The following ZC3H13 variants were observed in gnomAD, a reference collection of about 807,000 sequenced individuals.
The protein encoded by ZC3H13 is zinc finger CCCH domain-containing protein 13.
ZC3H13 carries 64 observed loss-of-function variants against 204.1 expected under a neutral mutation model. The observed-to-expected ratio is 0.31, with a 90% CI of 0.26 to 0.39. The LOEUF is 0.39. Among genes scored for constraint, ZC3H13 ranks in the 10% least tolerant of loss-of-function variants. The probability of loss-of-function intolerance (pLI) is 1.00; values close to 1 mark genes in which losing one functional copy is unlikely to be tolerated. For synonymous variants in ZC3H13, 667 were observed against 693.7 expected (o/e 0.96, Z 0.60); for missense variants, 1,833 against 2,082.7 (o/e 0.88, Z 2.33).
chr13:46,005,820 G>A (rs191203790), intron 7 of ZC3H13, among the ~76,000 whole-genome samples: 3 of 152,154 alleles, frequency 2.0e-5, no homozygotes, highest in East Asian at 1.9e-4. Context: ...CAGGCTGGGC[G>A]ACGTGGCTCA....
chr13:45,969,281 G>A lies in ZC3H13; in HGVS notation c.3263C>T (p.Thr1088Met), dbSNP rs141717640. 45 of 1,613,768 alleles carry A rather than the reference G, an allele frequency of 2.8e-5. No homozygotes were observed. The African/African-American group carries it at 3.2e-4, about 11-fold the overall frequency. The change falls in exon 14 of 19, where the codon ACG becomes ATG. Residue 1088 changes from threonine (T) to methionine (M), a missense_variant. Transcript: ENST00000679008. ...VTEAEHTATA[T>M]TPGSTPSPLS... is the part of the protein sequence containing the mutation. ...AGGAGAAGGGGTACTACCAGGAGTC[G>A]TGGCGGTGGCAGTATGCTCTGCTTC...
chr13:45,972,476 C>T (rs1005018446), intron 12 of ZC3H13, among the ~76,000 whole-genome samples: 5 of 152,046 alleles, frequency 3.3e-5, no homozygotes, highest in Admixed American at 6.6e-5. Flanking sequence ...GGGATAAAAA[C>T]GTACATGTTT....
chr13:46,002,285 G>A (rs1387855094), intron 8 of ZC3H13, among the ~76,000 whole-genome samples: 1 of 152,184 alleles, frequency 6.6e-6, no homozygotes, highest in Non-Finnish European at 1.5e-5. Context: ...GTGAAGGTAT[G>A]GAGAAACTGG....
intron 10 of ZC3H13, among the ~76,000 whole-genome samples, chr13:45,980,701 G>A (rs1014473839): frequency 2.6e-5 from 4 of 152,150 alleles, no homozygotes; most frequent in African/African-American, 7.2e-5. Context: ...TTCCATTTAC[G>A]AGACAATTAC....
In ZC3H13 at chr13:45,988,867, C is replaced by G. The variant is rs200763938; in HGVS notation, c.1175G>C (p.Arg392Pro). 715 of 1,614,022 alleles carry G rather than the reference C, an allele frequency of 4.4e-4. No individual in the cohort carries two copies. Among genetic ancestry groups the G allele is most frequent in the Non-Finnish European group, 5.8e-4 (689 of 1,180,036 alleles). ...PQRKQSPPRH[R>P]SPMREKGRHD... ...TCTCCCTTTCTCTCGCATTGGAGAG[C>G]GATGTCTTGGAGGACTCTGCTTTCT... is the stretch of plus-strand genomic sequence containing the variant. Residue 392 changes from arginine (R) to proline (P), a missense_variant, in exon 9 of 19, where the codon CGC becomes CCC. By Grantham distance (103) the Arg-to-Pro change is moderately radical. Around this residue, in one of 5 missense-constraint regions of ZC3H13, gnomAD observed 1,574 missense variants for 1,757.2 expected, o/e 0.90. Coordinates refer to ENST00000679008, the MANE Select transcript of ZC3H13 (RefSeq NM_001330564.2).
At chr13:46,031,476 A>T (rs2042893298) in intron 4 of ZC3H13, among the ~76,000 whole-genome samples, 1 of 152,130 alleles carries the variant, frequency 6.6e-6, no homozygotes, top group South Asian at 2.1e-4. Context: ...CTACTCTATT[A>T]AAAAAACCAT....
At chr13:45,997,194 CATTT>C (rs1175381648) in intron 8 of ZC3H13, among the ~76,000 whole-genome samples, 1 of 152,168 alleles carries the variant, frequency 6.6e-6, no homozygotes, top group African/African-American at 2.4e-5. Context: ...TGATGACATT[CATTT>C]AAGGGCCGAA....
intron 3 of ZC3H13, 35 bp from the exon 4 acceptor site, chr13:46,042,310 G>T (rs755048816): frequency 1.4e-6 from 2 of 1,472,086 alleles, no homozygotes; most frequent in South Asian, 2.4e-5. Context: ...AACAAAAAAC[G>T]AAACAAAACA....
Position 45,979,974 on chromosome 13 carries a change from T to C in ZC3H13, c.1751A>G (p.Asp584Gly). 1.2e-6 allele frequency: 2 copies of C among 1,607,232 alleles called. No individual in the cohort carries two copies. The highest frequency in any genetic ancestry group is 1.7e-6 in the Non-Finnish European group (2 of 1,177,534). The part of the protein sequence containing the change: ...GSRGSRGSQI[D>G]SHSSNSNYHD... ...ATAGTTGCTATTACTACTGTGACTA[T>C]CAATTTGAGAACCTCTTGAGCCTCG... The change falls in exon 11 of 19, where the codon GAT becomes GGT. Residue 584 changes from aspartate (D) to glycine (G), a missense_variant. Around this residue, in one of 5 missense-constraint regions of ZC3H13, gnomAD observed 1,574 missense variants for 1,757.2 expected, o/e 0.90. Transcript: ENST00000679008.
intron 7 of ZC3H13, 138 bp from the exon 8 acceptor site, chr13:46,003,474 G>GAA: frequency 3.0e-6 from 2 of 674,350 alleles, no homozygotes; most frequent in South Asian, 2.5e-5. Flanking sequence ...ATATCAAGAA[G>GAA]AAAAAAAAAC....
intron 4 of ZC3H13, among the ~76,000 whole-genome samples, chr13:46,021,353 C>G (rs1167039131): frequency 6.6e-6 from 1 of 151,904 alleles, no homozygotes; most frequent in East Asian, 1.9e-4. Context: ...TCATATTTTA[C>G]TAGGTGGTAA....
In ZC3H13 at chr13:46,003,177, T is replaced by G; in HGVS notation, c.906A>C (p.Arg302=). The G allele has an allele frequency of 6.2e-7, 1 of 1,612,276 alleles. No individual in the cohort carries two copies. Among genetic ancestry groups the G allele is most frequent in the Non-Finnish European group, 8.5e-7 (1 of 1,179,696 alleles). The change falls in exon 8 of 19, where the codon CGA becomes CGC. Residue 302 remains arginine (R), a synonymous_variant. Coordinates refer to ENST00000679008, the MANE Select transcript of ZC3H13 (RefSeq NM_001330564.2). ...EKTRDGKDRG[R]DFERQREKRD... Reference sequence around the variant, plus strand: ...TCTTTTCTCTTTGTCGTTCAAAATCTCGTCCTCTGTCCTTTCCATCTCTTG... The same window carrying G: ...TCTTTTCTCTTTGTCGTTCAAAATCGCGTCCTCTGTCCTTTCCATCTCTTG...
intron 1 of ZC3H13, among the ~76,000 whole-genome samples, chr13:46,048,365 C>G (rs1210284273): frequency 6.6e-6 from 1 of 152,086 alleles, no homozygotes; most frequent in South Asian, 2.1e-4. Context: ...ATCACGAAGT[C>G]AGGAGATCGA....
intron 9 of ZC3H13, among the ~76,000 whole-genome samples, chr13:45,987,692 T>C (rs1028756449): frequency 6.6e-5 from 10 of 152,224 alleles, no homozygotes; most frequent in East Asian, 3.8e-4. Context: ...ACATGTTTCA[T>C]AGGAGACTGC....
chr13:46,020,047 A>G (rs2042133709), intron 5 of ZC3H13, among the ~76,000 whole-genome samples: 1 of 152,212 alleles, frequency 6.6e-6, no homozygotes, highest in Non-Finnish European at 1.5e-5. Flanking sequence ...GATAAAAGTC[A>G]AACATTTCTT....
intron 17 of ZC3H13, among the ~76,000 whole-genome samples, chr13:45,960,843 A>T (rs984325819): frequency 2.0e-5 from 3 of 152,226 alleles, no homozygotes; most frequent in Admixed American, 2.0e-4. Flanking sequence ...CTGAGAACAA[A>T]ATGAAGCTGC....
rs1952995416 is a variant in ZC3H13, at chr13:45,975,818, T to C, written c.1933A>G (p.Ile645Val). ...RERDQRPSSP[I>V]RHQGRNDELE... ...TCGTCATTCCTTCCCTGATGTCGAA[T>C]TGGTGAGCTTGGTCTTTGATCTACA... Residue 645 changes from isoleucine (I) to valine (V), a missense_variant, in exon 12 of 19, where the codon ATT (isoleucine) becomes GTT (valine). Physicochemically the swap from Ile to Val is conservative, Grantham distance 29. Coordinates refer to ENST00000679008, the MANE Select transcript of ZC3H13 (RefSeq NM_001330564.2). The C allele has an allele frequency of 6.2e-7, 1 of 1,611,996 alleles. No homozygotes were observed. The highest frequency in any genetic ancestry group is 8.5e-7 in the Non-Finnish European group (1 of 1,178,344).
chr13:45,991,544 T>C (rs2138308398), intron 8 of ZC3H13, among the ~76,000 whole-genome samples: 1 of 152,364 alleles, frequency 6.6e-6, no homozygotes, highest in South Asian at 2.1e-4. Context: ...GGCTATAGAC[T>C]ATTACAGAGC....
chr13:46,019,935 G>A (rs2042126598), intron 5 of ZC3H13, among the ~76,000 whole-genome samples: 1 of 152,016 alleles, frequency 6.6e-6, no homozygotes, highest in Non-Finnish European at 1.5e-5. Context: ...TCCAGCCTGG[G>A]TGACACAGTG....
Sources: gnomAD v4.1 joint callset for allele counts (sites outside exome capture counted in the v4.1 genomes callset) on GRCh38, gnomAD v4.1.1 for gene constraint, gnomAD v4.1.1 regional missense constraint, MANE v1.5 for transcripts, NCBI Gene and HGNC (gene_info 2026-07-23, HGNC 2026-07-21) for gene names.